The following AASS variants were observed in gnomAD, a reference collection of about 807,000 sequenced individuals.
The protein encoded by AASS is alpha-aminoadipic semialdehyde synthase, mitochondrial.
Under a neutral mutation model 105.4 loss-of-function variants are expected in AASS, and 86 were observed. The observed-to-expected ratio is 0.82, with a 90% CI of 0.69 to 0.98. The LOEUF (loss-of-function observed/expected upper bound fraction) is 0.98. Among genes scored for constraint, AASS ranks in the 50% least tolerant of loss-of-function variants. The pLI, the probability that AASS is intolerant of heterozygous loss-of-function variation, is 0.00. For synonymous variants in AASS, 381 were observed against 394.8 expected, an observed-to-expected ratio of 0.96 and a Z score of 0.41; for missense variants, 1,048 against 1,143.2, an observed-to-expected ratio of 0.92 and a Z score of 1.20.
At chr7:122,098,323 TG>T in intron 15 of AASS, 126 bp downstream of exon 15, 1 of 976,654 alleles carries the variant, frequency 1.0e-6, no homozygotes, top group Non-Finnish European at 1.5e-6. Context: ...GTGCACCTTC[TG>T]GACCCATACT....
intron 15 of AASS, among the ~76,000 whole-genome samples, chr7:122,097,937 C>T (rs891495860): frequency 6.6e-6 from 1 of 151,784 alleles, no homozygotes; most frequent in Non-Finnish European, 1.5e-5. Flanking sequence ...CCAGAAACAA[C>T]CTAAATATCT....
At chr7:122,097,530 T>A (rs1794217993) in intron 15 of AASS, among the ~76,000 whole-genome samples, 1 of 152,020 alleles carries the variant, frequency 6.6e-6, no homozygotes, top group African/African-American at 2.4e-5. Context: ...TCCCACCTTT[T>A]ACCCTTAAGC....
At position 122,079,836 on chromosome 7, in the gene AASS, T is replaced by C. The variant is rs542551011; in HGVS notation, c.2281-124A>G. On this transcript the variant is annotated intron_variant, in intron 20 of 23. Coordinates refer to ENST00000417368, the MANE Select transcript of AASS (RefSeq NM_005763.4). ...CCTCAAATTTTAAAATTAAAAATAA[T>C]TGGAAATAGGAAATTGTAACACATA... is the stretch of plus-strand genomic sequence containing the variant. The C allele has an allele frequency of 3.6e-4, 256 of 713,704 alleles. 1 individual carries two copies. Among genetic ancestry groups the C allele is most frequent in the Non-Finnish European group, 5.5e-4 (219 of 398,886 alleles). 44.2% of individuals were successfully genotyped at this position (713,704 alleles called of 1,614,324 possible).
chr7:122,109,253 C>CA (rs3069225), intron 11 of AASS, among the ~76,000 whole-genome samples: 2,549 of 112,024 alleles, frequency 0.023, 86 homozygotes, highest in African/African-American at 0.054. Flanking sequence ...CAATCCTTAC[C>CA]AAAAAAAAAA....
At position 122,098,584 on chromosome 7, in the gene AASS, A is replaced by G; in HGVS notation, c.1529-8T>C. The G allele has an allele frequency of 6.2e-7, 1 of 1,605,768 alleles. No individual in the cohort carries two copies. The highest frequency in any genetic ancestry group is 8.5e-7 in the Non-Finnish European group (1 of 1,174,134). ...GATTCTTCATGTCAGATCCTATTTC[A>G]GTAATTAAAAGTCACATTTTTAGAT... is the stretch of plus-strand genomic sequence containing the variant. On this transcript the variant is annotated splice_polypyrimidine_tract_variant and splice_region_variant and intron_variant, in intron 14 of 23. Coordinates refer to ENST00000417368, the MANE Select transcript of AASS (RefSeq NM_005763.4).
chr7:122,113,893 G>A (rs1795047756), intron 9 of AASS, among the ~76,000 whole-genome samples, 173 bp from the exon 10 acceptor site: 1 of 131,586 alleles, frequency 7.6e-6, no homozygotes, highest in Admixed American at 8.3e-5. Flanking sequence ...CTGTGATACA[G>A]AGAATCTTCC....
At chr7:122,117,052 T>C (rs966313591) in intron 6 of AASS, 95 bp from the exon 7 acceptor site, 10 of 1,117,144 alleles carry the variant, frequency 9.0e-6, no homozygotes, top group Non-Finnish European at 1.2e-5. Context: ...AACAATTACA[T>C]AGCTCCACTT....
At chr7:122,119,172 GA>G (rs1020570700) in intron 4 of AASS, among the ~76,000 whole-genome samples, 3 of 152,090 alleles carry the variant, frequency 2.0e-5, no homozygotes, top group African/African-American at 7.2e-5. Context: ...TTGTTGAAAC[GA>G]AGAGTGCCCC....
rs190768754 is a variant in AASS at position 122,103,200 on chromosome 7, A to C, written c.1279-1520T>G. Among the ~76,000 whole-genome samples, 854 of 152,184 alleles carry C rather than the reference A, an allele frequency of 5.6e-3. 9 individuals are homozygous for C. The highest frequency in any genetic ancestry group is 0.019 in the African/African-American group (769 of 41,548). Reference sequence around the variant, plus strand: ...TCAAAAACCAAAGACAAATGATATTAAAAGCAGCAAGATAAAAATATCATG... The same window carrying C: ...TCAAAAACCAAAGACAAATGATATTCAAAGCAGCAAGATAAAAATATCATG... On this transcript the variant is annotated intron_variant, in intron 11 of 23. Transcript: ENST00000417368.
rs1792946539 is a variant in AASS at position 122,075,229 on chromosome 7, T to G, written c.*1260A>C. Among the ~76,000 whole-genome samples the G allele has an allele frequency of 2.0e-5, 3 of 152,338 alleles. No homozygotes were observed. The South Asian group carries it at 6.2e-4, about 32-fold the overall frequency. ...TCATTTTTGATTTATTCATTGATAC[T>G]ATATTGAAAGATAACCAATTTCTGC... On this transcript the variant is annotated 3_prime_UTR_variant, in exon 24 of 24. Transcript: ENST00000417368.
rs529360771 is a variant in AASS at position 122,083,233 on chromosome 7, C to T, written c.2185-1638G>A. On this transcript the variant is annotated intron_variant, in intron 19 of 23. Transcript: ENST00000417368. The stretch of plus-strand genomic sequence containing the variant: ...TTACTAAAAAAAGAATTCTCATTTG[C>T]TCTAATTCAAATGCAAATATACTTC... Among the ~76,000 whole-genome samples, 278 of 152,208 alleles carry T rather than the reference C, an allele frequency of 1.8e-3. 1 individual carries two copies. The highest frequency in any genetic ancestry group is 3.4e-3 in the Middle Eastern group (1 of 294).
At chr7:122,142,117 G>A (rs1343187705) in intron 1 of AASS, among the ~76,000 whole-genome samples, 1 of 152,176 alleles carries the variant, frequency 6.6e-6, no homozygotes, top group Non-Finnish European at 1.5e-5. Flanking sequence ...TCTCTCCTGG[G>A]TTCCTCAGCG....
rs762971045 is a variant in AASS, at chr7:122,078,042, T to C, written c.2486-28A>G. 4 of 1,599,936 alleles carry C rather than the reference T, an allele frequency of 2.5e-6. No individual in the cohort carries two copies. In the African/African-American group the frequency reaches 5.4e-5, roughly 21 times the overall value. ...TAAAACAAATAAAGATAAGTAAAAA[T>C]ACCACTATCATTACAACTCAAATAT... On this transcript the variant is annotated intron_variant, in intron 22 of 23. Transcript: ENST00000417368.
intron 11 of AASS, among the ~76,000 whole-genome samples, chr7:122,106,972 A>G (rs572512679): frequency 6.6e-5 from 10 of 152,266 alleles, no homozygotes; most frequent in African/African-American, 2.4e-4. Flanking sequence ...AGAATGGGAG[A>G]AAATATTTGC....
chr7:122,108,267 C>A (rs77173255), intron 11 of AASS, among the ~76,000 whole-genome samples: 1,553 of 152,178 alleles, frequency 0.01, 26 homozygotes, highest in African/African-American at 0.036. Context: ...AATACCAATT[C>A]TTCTCAAACT....
chr7:122,098,837 GT>G lies in AASS; in HGVS notation c.1435del (p.Thr479ProfsTer18). The G allele has an allele frequency of 1.3e-6, 2 of 1,590,400 alleles. No homozygotes were observed. The highest frequency in any genetic ancestry group is 1.7e-6 in the Non-Finnish European group (2 of 1,170,618). On this transcript the variant is annotated frameshift_variant, in exon 14 of 24. Transcript: ENST00000417368. LOFTEE classifies it high-confidence loss of function. ...TCCAAGAACCAAAACCTTTCTCCTG[GT>G]GCCCATTGAAAGTGACTGAGCACGT... is the stretch of plus-strand genomic sequence containing the variant. The part of the protein sequence containing the change: ...RERAQSLSMG[T>X]RRKVLVLGSG...
intron 20 of AASS, among the ~76,000 whole-genome samples, chr7:122,081,049 C>T (rs1311955283): frequency 6.6e-6 from 1 of 152,170 alleles, no homozygotes; most frequent in East Asian, 1.9e-4. Context: ...AGCTCGGTAA[C>T]TGAAAATCAA....
intron 20 of AASS, 89 bp from the exon 21 acceptor site, chr7:122,079,801 T>C (rs547514330): frequency 1.2e-6 from 1 of 822,892 alleles, no homozygotes; most frequent in South Asian, 1.5e-5. Context: ...AACACTGAAC[T>C]TCAAATACAC....
chr7:122,133,279 C>T (rs1205940171), intron 2 of AASS, among the ~76,000 whole-genome samples: 2 of 152,078 alleles, frequency 1.3e-5, no homozygotes, highest in African/African-American at 2.4e-5. Context: ...GGAGTCTTAT[C>T]CCCCTAGTCC....
Sources: allele counts gnomAD v4.1 joint callset (sites outside exome capture counted in the v4.1 genomes callset), GRCh38; gene constraint gnomAD v4.1.1; transcripts MANE v1.5; gene names NCBI Gene and HGNC (gene_info 2026-07-23, HGNC 2026-07-21).